Variants in PACS2 observed in about 807,000 individuals in gnomAD.
PACS2 encodes phosphofurin acidic cluster sorting protein 2.
In PACS2, 36 loss-of-function variants were observed where a neutral mutation model predicts 113.0. That is an observed-to-expected ratio of 0.32 (90% confidence interval 0.24 to 0.42). PACS2 has a LOEUF of 0.42. PACS2 is among the 10% of genes least tolerant of loss of function. PACS2 has a pLI of 1.00. For synonymous variants in PACS2, 589 were observed against 536.1 expected, an observed-to-expected ratio of 1.10 and a Z score of -1.36; for missense variants, 1,015 against 1,239.5, an observed-to-expected ratio of 0.82 and a Z score of 2.72.
At position 105,384,405 on chromosome 14, in the gene PACS2, C is replaced by T. The variant is rs782727405; in HGVS notation, c.1833C>T (p.Asn611=). Residue 611 remains asparagine (N), a synonymous_variant, in exon 17 of 25, where the codon AAC becomes AAT. Transcript: ENST00000447393. The part of the protein sequence containing the change: ...YLGSVDYRYN[N]FFQDLAWRDL... ...GCTCCGTGGACTACCGCTACAACAACTTCTTCCAGGACCTGGCCTGGAGAG... is the reference window on the plus strand; with the variant it reads ...GCTCCGTGGACTACCGCTACAACAATTTCTTCCAGGACCTGGCCTGGAGAG... The T allele has an allele frequency of 9.9e-6, 16 of 1,612,626 alleles. No individual in the cohort carries two copies. Among genetic ancestry groups the T allele is most frequent in the Non-Finnish European group, 1.4e-5 (16 of 1,179,852 alleles).
chr14:105,388,469 G>A (rs1229580613), intron 19 of PACS2, among the ~76,000 whole-genome samples: 1 of 152,224 alleles, frequency 6.6e-6, no homozygotes, highest in Admixed American at 6.5e-5. Context: ...GGGAGCTGGT[G>A]CTCCAGGCAG....
intron 1 of PACS2, among the ~76,000 whole-genome samples, chr14:105,321,875 A>G (rs2140845467): frequency 6.6e-6 from 1 of 151,088 alleles, no homozygotes; most frequent in Non-Finnish European, 1.5e-5. Context: ...ATATCCTTAC[A>G]TATTAGATGT....
In PACS2 at chr14:105,364,353, T is replaced by C. The variant is rs1485237000; in HGVS notation, c.424-2860T>C. Among the ~76,000 whole-genome samples, 16 of 90,336 alleles carry C rather than the reference T, an allele frequency of 1.8e-4. 1 individual carries two copies. The highest frequency in any genetic ancestry group is 1.1e-3 in the African/African-American group (12 of 10,932). The allele number at this position is 90,336 out of a possible 152,430, so 59.3% of individuals were successfully genotyped here. A position where few individuals can be genotyped will look rare whatever the true frequency, so the allele number is the denominator to read the frequency against. On this transcript the variant is annotated intron_variant, in intron 4 of 24. Transcript: ENST00000447393. ...GGCGGCCCGGGGGTGTGGTGGGCGG[T>C]GTCCCGGGTGCACGGTGGGCGTCCC...
chr14:105,339,258 G>A (rs1475261813), intron 1 of PACS2, among the ~76,000 whole-genome samples: 2 of 152,110 alleles, frequency 1.3e-5, no homozygotes, highest in African/African-American at 4.8e-5. Flanking sequence ...TGTAACCCTA[G>A]CACTTTGGGA....
At chr14:105,349,391 G>A (rs946343828) in intron 2 of PACS2, among the ~76,000 whole-genome samples, 34 of 152,336 alleles carry the variant, frequency 2.2e-4, no homozygotes, top group Middle Eastern at 6.8e-3. Context: ...AGTGGCTGTT[G>A]TGCTCCTGAC....
At chr14:105,380,824 G>A in intron 11 of PACS2, 133 bp from the exon 12 acceptor site, 1 of 828,768 alleles carries the variant, frequency 1.2e-6, no homozygotes, top group Non-Finnish European at 1.8e-6. Flanking sequence ...TCAGCGTATG[G>A]CCGGGTCCAC....
chr14:105,345,790 C>T (rs2059899229), intron 1 of PACS2, among the ~76,000 whole-genome samples: 1 of 152,206 alleles, frequency 6.6e-6, no homozygotes, highest in Non-Finnish European at 1.5e-5. Flanking sequence ...CTCTCTTAGT[C>T]TCTCTCCTCT....
intron 2 of PACS2, among the ~76,000 whole-genome samples, chr14:105,351,321 C>T (rs1251042539): frequency 5.9e-5 from 9 of 152,222 alleles, no homozygotes; most frequent in African/African-American, 1.7e-4. Context: ...TTGTCTTTCA[C>T]GCAAATGACT....
At chr14:105,336,962 A>G (rs1652853140) in intron 1 of PACS2, among the ~76,000 whole-genome samples, 1 of 152,206 alleles carries the variant, frequency 6.6e-6, no homozygotes, top group African/African-American at 2.4e-5. Flanking sequence ...ACTCACGGTG[A>G]CTGCGTGATG....
rs2060339818 is a variant in PACS2 at position 105,354,174 on chromosome 14, A to G, written c.298-878A>G. Among the ~76,000 whole-genome samples, 1 of 152,016 alleles carries G rather than the reference A, an allele frequency of 6.6e-6. No homozygotes were observed. The highest frequency in any genetic ancestry group is 2.4e-5 in the African/African-American group (1 of 41,382). ...GCTCTTCTATTTAAAAAGATAGGGG[A>G]AACTCAGAGTTCACAAGCAATCCCA... On this transcript the variant is annotated intron_variant, in intron 3 of 24. Coordinates refer to ENST00000447393, the MANE Select transcript of PACS2 (RefSeq NM_001100913.3). The surrounding 1 kb of genome is among the most constrained non-coding windows in gnomAD (Gnocchi z 4.2).
upstream of PACS2, among the ~76,000 whole-genome samples, chr14:105,310,167 C>T (rs2058309755): frequency 6.6e-6 from 1 of 152,084 alleles, no homozygotes; most frequent in East Asian, 1.9e-4. Context: ...TGTAGCTTCT[C>T]TAACCATTTT....
chr14:105,306,717 T>G (rs1411374023), intron 1 of PACS2, among the ~76,000 whole-genome samples: 1 of 152,174 alleles, frequency 6.6e-6, no homozygotes, highest in African/African-American at 2.4e-5. Context: ...GCAATTCTCC[T>G]GCCTCAGCCT....
At position 105,391,202 on chromosome 14, in the gene PACS2, T is replaced by C. The variant is rs2081344281; in HGVS notation, c.2077-5T>C. On this transcript the variant is annotated splice_region_variant and splice_polypyrimidine_tract_variant and intron_variant, in intron 20 of 24. Transcript: ENST00000447393. Reference sequence around the variant, plus strand: ...TTTCACCAGCCAGTGCCTGTTGTTTTCTAGGTTGTGAAGGTTGGAATTGTG... The same window carrying C: ...TTTCACCAGCCAGTGCCTGTTGTTTCCTAGGTTGTGAAGGTTGGAATTGTG... The C allele has an allele frequency of 1.9e-6, 3 of 1,612,386 alleles. No individual in the cohort carries two copies. Among genetic ancestry groups the C allele is most frequent in the East Asian group, 4.5e-5 (2 of 44,872 alleles).
At chr14:105,375,263 A>G (rs1404947532) in intron 8 of PACS2, among the ~76,000 whole-genome samples, 1 of 152,186 alleles carries the variant, frequency 6.6e-6, no homozygotes, top group Non-Finnish European at 1.5e-5. Flanking sequence ...GTGGATTACA[A>G]GGTCAAGAGA....
chr14:105,391,727 C>T lies in PACS2; in HGVS notation c.2216C>T (p.Pro739Leu), dbSNP rs782663401. The change falls in exon 22 of 25, where the codon CCC becomes CTC. Residue 739 changes from proline to leucine, a missense_variant. By Grantham distance (98) the Pro-to-Leu change is moderately conservative (BLOSUM62 -3). Around this residue, in one of 3 missense-constraint regions of PACS2, gnomAD observed 859 missense variants for 1,056.8 expected, o/e 0.81. Transcript: ENST00000447393. The part of the protein sequence containing the change: ...PAAKEASPTP[P>L]SSPSVSGGLS... ...GCCAAGGAGGCCTCACCCACCCCGC[C>T]CTCCTCCCCGTCGGTGAGCGGAGGC... 19 of 1,598,306 alleles carry T rather than the reference C, an allele frequency of 1.2e-5. No individual in the cohort carries two copies. Among genetic ancestry groups the T allele is most frequent in the East Asian group, 2.3e-5 (1 of 44,300 alleles).
intron 2 of PACS2, among the ~76,000 whole-genome samples, chr14:105,350,178 C>G (rs1350143293): frequency 1.3e-5 from 2 of 152,140 alleles, no homozygotes; most frequent in African/African-American, 4.8e-5. Context: ...CCCTGGGGAA[C>G]AGGGAGCTCT....
chr14:105,374,746 AAAAC>A (rs1234485999), intron 8 of PACS2: 3 of 152,258 alleles, frequency 2.0e-5, no homozygotes, highest in African/African-American at 7.2e-5. Flanking sequence ...GGCACGGAGA[AAAAC>A]AATCTCAAAG....
rs587736425 is a variant in PACS2, at chr14:105,325,181, C to T, written c.119+10144C>T. On this transcript the variant is annotated intron_variant, in intron 1 of 24. Transcript: ENST00000447393. ...TAGGGTGGTGGGACGGGGGGGGGCT[C>T]GGACACAGTGGTTGTGGAGGGGTCA... Among the ~76,000 whole-genome samples the T allele has an allele frequency of 8.4e-5, 7 of 83,298 alleles. No homozygotes were observed. The East Asian group carries it at 1.1e-3, about 14-fold the overall frequency. 54.6% of individuals were successfully genotyped at this position (83,298 alleles called of 152,430 possible).
chr14:105,362,712 G>A (rs781988989), intron 4 of PACS2, among the ~76,000 whole-genome samples: 5 of 152,004 alleles, frequency 3.3e-5, no homozygotes, highest in Non-Finnish European at 7.4e-5. Context: ...TTAGCCAGGC[G>A]TGGTGGCGGG....
Sources: gnomAD v4.1 joint callset for allele counts (sites outside exome capture counted in the v4.1 genomes callset) on GRCh38, gnomAD v4.1.1 for gene constraint, gnomAD v4.1.1 regional missense constraint, Gnocchi (gnomAD v3.1) non-coding constraint, MANE v1.5 for transcripts, NCBI Gene and HGNC (gene_info 2026-07-23, HGNC 2026-07-21) for gene names.